The following CHGB variants were observed in gnomAD, a reference collection of about 807,000 sequenced individuals.
CHGB encodes secretogranin-1.
Under a neutral mutation model 69.9 loss-of-function variants are expected in CHGB, and 46 were observed. The observed-to-expected ratio is 0.66, with a 90% CI of 0.52 to 0.84. The LOEUF is 0.84. CHGB is among the 40% of genes least tolerant of loss of function. The probability of loss-of-function intolerance (pLI) is 0.00; values close to 1 mark genes in which losing one functional copy is unlikely to be tolerated. For synonymous variants in CHGB, 312 were observed against 298.2 expected (o/e 1.05, Z -0.48); for missense variants, 796 against 822.2 (o/e 0.97, Z 0.39).
rs756888615 is a variant in CHGB at position 5,923,451 on chromosome 20, AAG to A, written c.1311_1312del (p.Arg439ValfsTer4). The A allele has an allele frequency of 6.2e-7, 1 of 1,614,138 alleles. No individual in the cohort carries two copies. The highest frequency in any genetic ancestry group is 2.2e-5 in the East Asian group (1 of 44,882). On this transcript the variant is annotated frameshift_variant, in exon 4 of 5. Transcript: ENST00000378961. LOFTEE classifies it high-confidence loss of function. ...GCCTATTTCATGTCTGACACCAGAG[AAG>A]AGAAAAGGTTCTTGGGTGAAGGACA...
At chr20:5,924,563 A>G (rs2088538670) in intron 4 of CHGB, among the ~76,000 whole-genome samples, 1 of 152,146 alleles carries the variant, frequency 6.6e-6, no homozygotes, top group Admixed American at 6.5e-5. Flanking sequence ...TTGCTTGCCT[A>G]TTTAGTTTGC....
intron 3 of CHGB, among the ~76,000 whole-genome samples, chr20:5,920,222 C>T (rs1356688513): frequency 6.6e-6 from 1 of 152,200 alleles, no homozygotes; most frequent in East Asian, 1.9e-4. Flanking sequence ...AAAAATACTT[C>T]TGTTCCTGAC....
chr20:5,918,144 C>A, intron 3 of CHGB, among the ~76,000 whole-genome samples: 1 of 63,314 alleles, frequency 1.6e-5, no homozygotes, highest in Non-Finnish European at 2.9e-5. Flanking sequence ...AGTAAGACTC[C>A]ATCTAAAAAA....
intron 1 of CHGB, chr20:5,915,663 T>C: frequency 6.6e-6 from 1 of 152,314 alleles, no homozygotes; most frequent in Middle Eastern, 3.4e-3. Context: ...TCTTTACCTA[T>C]TTGGGGTAGG....
intron 2 of CHGB, 148 bp from the exon 3 acceptor site, chr20:5,916,678 C>A: frequency 1.4e-6 from 1 of 738,494 alleles, no homozygotes; most frequent in South Asian, 1.7e-5. Flanking sequence ...AGATTTCATT[C>A]TGTTCCTGTA....
At chr20:5,916,986 T>A in intron 3 of CHGB, 67 bp downstream of exon 3, 1 of 1,388,122 alleles carries the variant, frequency 7.2e-7, no homozygotes, top group Non-Finnish European at 1.0e-6. Context: ...TCCCTCCACA[T>A]CACCTTCTAC....
chr20:5,923,579 G>A lies in CHGB; in HGVS notation c.1435G>A (p.Ala479Thr). 1.2e-6 allele frequency: 2 copies of A among 1,614,154 alleles called. No homozygotes were observed. The highest frequency in any genetic ancestry group is 1.3e-5 in the African/African-American group (1 of 75,030). The change falls in exon 4 of 5, where the codon GCC becomes ACC. Residue 479 changes from alanine to threonine, a missense_variant. This residue lies in a region of CHGB where 274 missense variants were observed against 298.9 expected (regional missense o/e 0.92). Transcript: ENST00000378961. ...RNYLNYGEEGAPGKWQQQGDL... is the reference protein window; with the variant it reads ...RNYLNYGEEGTPGKWQQQGDL... ...TTATCTCAACTACGGTGAGGAAGGA[G>A]CCCCAGGGAAGTGGCAGCAGCAGGG...
At chr20:5,913,585 G>A (rs2088458054) in intron 1 of CHGB, among the ~76,000 whole-genome samples, 1 of 149,916 alleles carries the variant, frequency 6.7e-6, no homozygotes, top group South Asian at 2.1e-4. Flanking sequence ...ATTATTCTAG[G>A]TAAAATGGTT....
chr20:5,922,751 AAGC>A lies in CHGB; in HGVS notation c.610_612del (p.Gln204del). 2 of 1,614,174 alleles carry A rather than the reference AAGC, an allele frequency of 1.2e-6. No homozygotes were observed. The stretch of plus-strand genomic sequence containing the variant: ...ACAAAACGCTTTTCTCAATGAAAGA[AAGC>A]AGGCTTCAGCTATAAAAAAAGAGGA... On this transcript the variant is annotated inframe_deletion, in exon 4 of 5. Transcript: ENST00000378961.
At chr20:5,919,551 T>A (rs2122572961) in intron 3 of CHGB, among the ~76,000 whole-genome samples, 1 of 152,340 alleles carries the variant, frequency 6.6e-6, no homozygotes, top group Middle Eastern at 3.4e-3. Context: ...AAATACAGAC[T>A]ATGTTGTCAA....
chr20:5,922,657 GA>G lies in CHGB; in HGVS notation c.515del (p.Asn172ThrfsTer37). 6.2e-7 allele frequency: 1 copy of G among 1,613,906 alleles called. No individual in the cohort carries two copies. The highest frequency in any genetic ancestry group is 8.5e-7 in the Non-Finnish European group (1 of 1,179,894). ...AGGATGAGGAGGAGGAGGAGGGAGA[GA>G]ACTATCAAAAAGGGGAGCGAGGGGA... The part of the protein sequence containing the change: ...REDEEEEEGE[N>X]YQKGERGEDS... On this transcript the variant is annotated frameshift_variant, in exon 4 of 5. Transcript: ENST00000378961. LOFTEE classifies it high-confidence loss of function.
Position 5,922,569 on chromosome 20 carries a change from A to G in CHGB, c.425A>G (p.Tyr142Cys), listed in dbSNP as rs776182778. The G allele has an allele frequency of 7.4e-6, 12 of 1,613,874 alleles. No homozygotes were observed. Among genetic ancestry groups the G allele is most frequent in the Non-Finnish European group, 1.0e-5 (12 of 1,179,874 alleles). The change falls in exon 4 of 5, where the codon TAT becomes TGT. Residue 142 changes from tyrosine (Y) to cysteine (C), a missense_variant. By Grantham distance (194) the Tyr-to-Cys change is radical (BLOSUM62 -2). Coordinates refer to ENST00000378961, the MANE Select transcript of CHGB (RefSeq NM_001819.3). Reference sequence around the variant, plus strand: ...GCGGATGAGCCCCAGTGGAGCCTCTATCCCTCCGACAGCCAAGTCTCTGAA... The same window carrying G: ...GCGGATGAGCCCCAGTGGAGCCTCTGTCCCTCCGACAGCCAAGTCTCTGAA... ...ERADEPQWSL[Y>C]PSDSQVSEEV...
chr20:5,924,246 T>C, intron 4 of CHGB, 146 bp downstream of exon 4: 1 of 1,220,084 alleles, frequency 8.2e-7, no homozygotes, highest in Non-Finnish European at 1.1e-6. Flanking sequence ...GGAGGCCACC[T>C]TGGGGGTCGG....
intron 1 of CHGB, among the ~76,000 whole-genome samples, chr20:5,913,628 C>CTTTTCTTTTCTTTTTTT (rs1289315671): frequency 7.7e-5 from 7 of 90,476 alleles, no homozygotes; most frequent in African/African-American, 2.2e-4. Context: ...CTTTTCTTTT[C>CTTTTCTTTTCTTTTTTT]TTTTTTTTTT....
chr20:5,923,788 G>C lies in CHGB; in HGVS notation c.1644G>C (p.Glu548Asp). The change falls in exon 4 of 5, where the codon GAG (glutamate) becomes GAC (aspartate). Residue 548 changes from glutamate to aspartate, a missense_variant. Coordinates refer to ENST00000378961, the MANE Select transcript of CHGB (RefSeq NM_001819.3). The stretch of plus-strand genomic sequence containing the variant: ...ACAACATGAATGACAATTTTCTCGA[G>C]GGTGAGGAGGAAAATGAGCTGACCT... ...RRDNMNDNFL[E>D]GEEENELTLN... 4 of 1,614,214 alleles carry C rather than the reference G, an allele frequency of 2.5e-6. No individual in the cohort carries two copies. Among genetic ancestry groups the C allele is most frequent in the Non-Finnish European group, 3.4e-6 (4 of 1,180,040 alleles).
chr20:5,918,678 GAC>G (rs2088493826), intron 3 of CHGB, among the ~76,000 whole-genome samples: 1 of 151,636 alleles, frequency 6.6e-6, no homozygotes, highest in Non-Finnish European at 1.5e-5. Flanking sequence ...CGGGCGTGGT[GAC>G]ACACGCCTGT....
At chr20:5,920,000 G>A (rs2088504036) in intron 3 of CHGB, among the ~76,000 whole-genome samples, 1 of 150,992 alleles carries the variant, frequency 6.6e-6, no homozygotes, top group South Asian at 2.1e-4. Flanking sequence ...GGTTGATCTG[G>A]TCATCCTTAC....
At chr20:5,921,841 T>G (rs1219389392) in intron 3 of CHGB, among the ~76,000 whole-genome samples, 1 of 152,242 alleles carries the variant, frequency 6.6e-6, no homozygotes, top group Non-Finnish European at 1.5e-5. Context: ...ATCTTGATAT[T>G]TCTTATTTTG....
At position 5,911,686 on chromosome 20, in the gene CHGB, A is replaced by G; in HGVS notation, c.49+4A>G. 1.4e-6 allele frequency: 2 copies of G among 1,462,858 alleles called. No individual in the cohort carries two copies. The highest frequency in any genetic ancestry group is 1.8e-6 in the Non-Finnish European group (2 of 1,113,228). 90.6% of individuals were successfully genotyped at this position (1,462,858 alleles called of 1,614,324 possible). The stretch of plus-strand genomic sequence containing the variant: ...CTGGGAGCCGTGGGGCTGGCGGGTG[A>G]GTGGGCGCGGCGGGCCGGTCAGCAC... On this transcript the variant is annotated splice_donor_region_variant and intron_variant, in intron 1 of 4. Coordinates refer to ENST00000378961, the MANE Select transcript of CHGB (RefSeq NM_001819.3).
Sources: gnomAD v4.1 joint callset for allele counts (sites outside exome capture counted in the v4.1 genomes callset) on GRCh38, gnomAD v4.1.1 for gene constraint, gnomAD v4.1.1 regional missense constraint, MANE v1.5 for transcripts, NCBI Gene and HGNC (gene_info 2026-07-23, HGNC 2026-07-21) for gene names.